FAM167A: variants seen among roughly 807,000 people sequenced by gnomAD.
FAM167A encodes protein FAM167A.
FAM167A carries 23 observed loss-of-function variants against 14.9 expected under a neutral mutation model. The observed-to-expected ratio is 1.55, with a 90% CI of 1.11 to 2.19. FAM167A has a LOEUF of 2.19. FAM167A is among the 30% of genes most tolerant of loss of function. FAM167A has a pLI of 0.00. For synonymous variants in FAM167A, 174 were observed against 117.7 expected (o/e 1.48, Z -3.10); for missense variants, 401 against 281.5 (o/e 1.42, Z -3.04).
At chr8:11,475,515 C>T (rs1346835283) in intron 1 of FAM167A, among the ~76,000 whole-genome samples, 1 of 151,934 alleles carries the variant, frequency 6.6e-6, no homozygotes, top group East Asian at 1.9e-4. Flanking sequence ...CAAAAGAAAT[C>T]AAGCAGAAGC....
At chr8:11,425,674 C>G (rs1009595853) in intron 2 of FAM167A, among the ~76,000 whole-genome samples, 7 of 151,938 alleles carry the variant, frequency 4.6e-5, no homozygotes, top group African/African-American at 9.7e-5. Flanking sequence ...TTATACCCCC[C>G]CTTGCTGTTG....
chr8:11,451,320 G>C (rs1807018344), intron 1 of FAM167A, among the ~76,000 whole-genome samples: 1 of 152,266 alleles, frequency 6.6e-6, no homozygotes. Context: ...CCGCAGCTGG[G>C]CCCCGTGGGA....
chr8:11,422,363 T>TGG lies in FAM167A; in HGVS notation c.*2009_*2010insCC, dbSNP rs1563349991. 1.7e-5 allele frequency: 2 copies of TGG among 115,114 alleles called. No homozygotes were observed. Among genetic ancestry groups the TGG allele is most frequent in the Non-Finnish European group, 3.6e-5 (2 of 56,084 alleles). 7.1% of individuals were successfully genotyped at this position (115,114 alleles called of 1,614,324 possible). ...TATGGCATGTTCTCTGTCGTGTGTG[T>TGG]GTGTGTGGGGGTGTGTGTGTGTGTG... On this transcript the variant is annotated 3_prime_UTR_variant, in exon 3 of 3. Coordinates refer to ENST00000284486, the MANE Select transcript of FAM167A (RefSeq NM_053279.3).
At chr8:11,433,507 A>T (rs1805764100) in intron 2 of FAM167A, among the ~76,000 whole-genome samples, 1 of 152,226 alleles carries the variant, frequency 6.6e-6, no homozygotes, top group Non-Finnish European at 1.5e-5. Context: ...TGATGGCAGC[A>T]AATCTGAAAA....
rs1205265750 is a variant in FAM167A at position 11,423,349 on chromosome 8, G to A, written c.*1024C>T. On this transcript the variant is annotated 3_prime_UTR_variant, in exon 3 of 3. Coordinates refer to ENST00000284486, the MANE Select transcript of FAM167A (RefSeq NM_053279.3). ...ACCTACACAAGTGGCTTCCGCATTT[G>A]GACAAAAATCAGTTACTAACAAGTG... 2.0e-5 allele frequency: 3 copies of A among 152,602 alleles called. No individual in the cohort carries two copies. The highest frequency in any genetic ancestry group is 7.2e-5 in the African/African-American group (3 of 41,438). The allele number at this position is 152,602 out of a possible 1,614,324, so 9.5% of individuals were successfully genotyped here. A position where few individuals can be genotyped will look rare whatever the true frequency, so the allele number is the denominator to read the frequency against.
At chr8:11,466,270 C>A (rs952060169) in intron 1 of FAM167A, among the ~76,000 whole-genome samples, 1 of 152,238 alleles carries the variant, frequency 6.6e-6, no homozygotes, top group East Asian at 1.9e-4. Flanking sequence ...AGGTCACCAG[C>A]CGCCTGGGAG....
chr8:11,466,945 G>C (rs1416126956), upstream of FAM167A, among the ~76,000 whole-genome samples: 3 of 152,204 alleles, frequency 2.0e-5, no homozygotes, highest in African/African-American at 4.8e-5. Flanking sequence ...CCCGCGAGTG[G>C]AGAGGAACTA....
intron 2 of FAM167A, among the ~76,000 whole-genome samples, chr8:11,437,655 T>C (rs1312031117): frequency 6.7e-6 from 1 of 148,300 alleles, no homozygotes; most frequent in Non-Finnish European, 1.5e-5. Flanking sequence ...GTTTATGGAA[T>C]CTGAATTTCC....
chr8:11,425,584 G>A (rs781330294), intron 2 of FAM167A, among the ~76,000 whole-genome samples: 3 of 152,094 alleles, frequency 2.0e-5, no homozygotes, highest in African/African-American at 4.8e-5. Flanking sequence ...GAACAAGCCC[G>A]CTCTTCATCA....
chr8:11,444,402 G>A lies in FAM167A; in HGVS notation c.10C>T (p.Pro4Ser), dbSNP rs767856136. The A allele has an allele frequency of 5.8e-6, 9 of 1,548,838 alleles. No individual in the cohort carries two copies. Among genetic ancestry groups the A allele is most frequent in the East Asian group, 4.5e-5 (2 of 44,130 alleles). Reference sequence around the variant, plus strand: ...CCCACTTCTTCCACGTGGATCTGGGGCACAGACATTCTACAGTCTGCCCTG... The same window carrying A: ...CCCACTTCTTCCACGTGGATCTGGGACACAGACATTCTACAGTCTGCCCTG... Reference protein sequence around the residue: MSVPQIHVEEVGAE... With the variant: MSVSQIHVEEVGAE... Residue 4 changes from proline (P) to serine (S), a missense_variant, in exon 2 of 3, where the codon CCC becomes TCC. Pro to Ser is a moderately conservative substitution (Grantham distance 74). Coordinates refer to ENST00000284486, the MANE Select transcript of FAM167A (RefSeq NM_053279.3).
chr8:11,463,690 A>C (rs117220474), intron 1 of FAM167A, among the ~76,000 whole-genome samples: 1 of 152,258 alleles, frequency 6.6e-6, no homozygotes, highest in East Asian at 1.9e-4. Context: ...GCCAGCTTCC[A>C]CCTTTGGATC....
At position 11,422,356 on chromosome 8, in the gene FAM167A, G is replaced by T; in HGVS notation, c.*2017C>A. 1.2e-5 allele frequency: 1 copy of T among 84,122 alleles called. No homozygotes were observed. The highest frequency in any genetic ancestry group is 5.0e-5 in the African/African-American group (1 of 20,014). 5.2% of individuals were successfully genotyped at this position (84,122 alleles called of 1,614,324 possible). On this transcript the variant is annotated 3_prime_UTR_variant, in exon 3 of 3. Coordinates refer to ENST00000284486, the MANE Select transcript of FAM167A (RefSeq NM_053279.3). ...GGATGTTTATGGCATGTTCTCTGTC[G>T]TGTGTGTGTGTGTGGGGGTGTGTGT...
rs752201866 is a variant in FAM167A at position 11,424,532 on chromosome 8, C to T, written c.486G>A (p.Arg162=). The T allele has an allele frequency of 1.8e-5, 29 of 1,614,110 alleles. No individual in the cohort carries two copies. Among genetic ancestry groups the T allele is most frequent in the Non-Finnish European group, 2.3e-5 (27 of 1,180,044 alleles). The change falls in exon 3 of 3, where the codon AGG becomes AGA. Residue 162 remains arginine, a synonymous_variant. Transcript: ENST00000284486. ...KIEHTCRLHR[R]MLNDATYELE... Reference sequence around the variant, plus strand: ...GCTCGTAGGTGGCATCGTTGAGCATCCTCCTGTGGAGGCGGCAGGTGTGTT... The same window carrying T: ...GCTCGTAGGTGGCATCGTTGAGCATTCTCCTGTGGAGGCGGCAGGTGTGTT...
rs1585216330 is a variant in FAM167A, at chr8:11,421,937, C to A, written c.*2436G>T. The stretch of plus-strand genomic sequence containing the variant: ...AATGTGGTTAGTTGTGTTCACTGTG[C>A]AAAGTAAGGAAGCCAGTCAACACTG... On this transcript the variant is annotated 3_prime_UTR_variant, in exon 3 of 3. Transcript: ENST00000284486. 49 of 397,830 alleles carry A rather than the reference C, an allele frequency of 1.2e-4. No homozygotes were observed. In the East Asian group the frequency reaches 1.7e-3, roughly 14 times the overall value. 24.6% of individuals were successfully genotyped at this position (397,830 alleles called of 1,614,324 possible). A position where few individuals can be genotyped will look rare whatever the true frequency, so the allele number is the denominator to read the frequency against.
chr8:11,456,982 ATGT>A (rs1807345327), intron 1 of FAM167A, among the ~76,000 whole-genome samples: 7 of 23,714 alleles, frequency 3.0e-4, no homozygotes, highest in East Asian at 2.2e-3. Context: ...TGGGTTAGGG[ATGT>A]AGGTGGGGCT....
rs536460892 is a variant in FAM167A at position 11,452,786 on chromosome 8, G to A, written c.-397-7978C>T. On this transcript the variant is annotated intron_variant, in intron 1 of 2. Transcript: ENST00000284486. ...AAAGGGTGCTTTATTTAGCATCTAT[G>A]AATGCTGGGGGAATGTGCAGGCACG... Among the ~76,000 whole-genome samples the A allele has an allele frequency of 2.3e-4, 35 of 152,292 alleles. 1 individual carries two copies. The South Asian group carries it at 7.0e-3, about 31-fold the overall frequency.
intron 1 of FAM167A, among the ~76,000 whole-genome samples, chr8:11,460,836 G>A (rs569899850): frequency 1.4e-3 from 210 of 152,136 alleles, no homozygotes; most frequent in Non-Finnish European, 1.9e-3. Context: ...CTATTGTCTA[G>A]GAAACAGGGA....
rs903011565 is a variant in FAM167A at position 11,474,047 on chromosome 8, G to A, written c.-398+1819C>T. On this transcript the variant is annotated intron_variant, in intron 1 of 1. Transcript: ENST00000648766. ...CGCCACCATGCCCGGCTAATTTTTT[G>A]TATTTTTAGTAGAGATGGGGTTTCA... Among the ~76,000 whole-genome samples the A allele has an allele frequency of 5.9e-5, 9 of 152,014 alleles. No individual in the cohort carries two copies. The East Asian group carries it at 1.7e-3, about 29-fold the overall frequency.
At chr8:11,431,917 A>AT (rs1554524071) in intron 2 of FAM167A, among the ~76,000 whole-genome samples, 2 of 99,492 alleles carry the variant, frequency 2.0e-5, no homozygotes, top group Non-Finnish European at 2.0e-5. Flanking sequence ...AAAAAAAAAA[A>AT]AAGGATTTTG....
Sources: allele counts gnomAD v4.1 joint callset (sites outside exome capture counted in the v4.1 genomes callset), GRCh38; gene constraint gnomAD v4.1.1; transcripts MANE v1.5; gene names NCBI Gene and HGNC (gene_info 2026-07-23, HGNC 2026-07-21).